HTR2A: variants seen among roughly 807,000 people sequenced by gnomAD.
The protein encoded by HTR2A is 5-HT2 receptor.
Under a neutral mutation model 31.0 loss-of-function variants are expected in HTR2A, and 14 were observed. That is an observed-to-expected ratio of 0.45 (90% CI 0.30 to 0.71). HTR2A has a LOEUF of 0.71. HTR2A is among the 30% of genes least tolerant of loss of function. The pLI is 0.09. For missense variants in HTR2A, 442 were observed against 573.3 expected (o/e 0.77, Z 2.34); for synonymous variants, 209 against 225.2 (o/e 0.93, Z 0.64).
chr13:46,860,115 C>A (rs1950768676), intron 3 of HTR2A, among the ~76,000 whole-genome samples: 2 of 152,154 alleles, frequency 1.3e-5, no homozygotes, highest in Non-Finnish European at 2.9e-5. Flanking sequence ...GAATTCTCCT[C>A]AACCCACAAC....
intron 3 of HTR2A, among the ~76,000 whole-genome samples, chr13:46,881,710 G>A (rs1467090643): frequency 6.6e-6 from 1 of 152,108 alleles, no homozygotes; most frequent in Admixed American, 6.5e-5. Flanking sequence ...TACTTCTTAG[G>A]CTGACTAATA....
chr13:46,873,375 T>TA (rs1950879157), intron 3 of HTR2A, among the ~76,000 whole-genome samples: 1 of 150,244 alleles, frequency 6.7e-6, no homozygotes, highest in African/African-American at 2.4e-5. Context: ...ATTGTGATAA[T>TA]ACATTTTATT....
intron 3 of HTR2A, among the ~76,000 whole-genome samples, chr13:46,849,851 T>G (rs1950669101): frequency 6.6e-6 from 1 of 152,220 alleles, no homozygotes; most frequent in African/African-American, 2.4e-5. Context: ...GAATGTGAGC[T>G]CCATAAAAGC....
chr13:46,843,968 G>GT (rs1735561166), intron 3 of HTR2A, among the ~76,000 whole-genome samples: 1 of 152,036 alleles, frequency 6.6e-6, no homozygotes, highest in African/African-American at 2.4e-5. Flanking sequence ...TTTTCAAAAC[G>GT]TATCTCAAGG....
At chr13:46,851,806 A>G (rs76010564) in intron 3 of HTR2A, among the ~76,000 whole-genome samples, 2,230 of 152,352 alleles carry the variant, frequency 0.015, 26 homozygotes, top group South Asian at 0.038. Flanking sequence ...TCAGCAGAAT[A>G]ATGGTCCCCA....
chr13:46,849,488 G>A (rs747807657), intron 3 of HTR2A, among the ~76,000 whole-genome samples: 13 of 152,136 alleles, frequency 8.5e-5, no homozygotes, highest in Non-Finnish European at 1.6e-4. Context: ...CAGAGATGTG[G>A]CTCTGCTGAC....
At chr13:46,851,701 G>A (rs1410160620) in intron 3 of HTR2A, among the ~76,000 whole-genome samples, 2 of 152,166 alleles carry the variant, frequency 1.3e-5, no homozygotes, top group Admixed American at 6.5e-5. Context: ...CAAACTTCCC[G>A]ATGATATATT....
chr13:46,835,237 A>T lies in HTR2A; in HGVS notation c.1016T>A (p.Phe339Tyr), dbSNP rs765972863. 6.2e-7 allele frequency: 1 copy of T among 1,614,136 alleles called. No individual in the cohort carries two copies. Among genetic ancestry groups the T allele is most frequent in the Non-Finnish European group, 8.5e-7 (1 of 1,180,016 alleles). The change falls in exon 4 of 4, where the codon TTC becomes TAC. Residue 339 changes from phenylalanine (F) to tyrosine (Y), a missense_variant. Transcript: ENST00000542664. ...FFLFVVMWCP[F>Y]FITNIMAVIC... ...GACGGCCATGATGTTTGTGATGAAG[A>T]AAGGGCACCACATCACCACAAACAG...
rs1566322770 is a variant in HTR2A, at chr13:46,895,412, C to T, written c.412+83G>A. ...CTTCTATTTATAGTTTGTTTGCCCCCTGAGCCCCATCTCATCTGCTGGTGG... is the reference window on the plus strand; with the variant it reads ...CTTCTATTTATAGTTTGTTTGCCCCTTGAGCCCCATCTCATCTGCTGGTGG... On this transcript the variant is annotated intron_variant, in intron 2 of 3. Transcript: ENST00000542664. This position sits in a 1 kb window ranked among gnomAD's most constrained non-coding sequence, Gnocchi z 4.4. The T allele has an allele frequency of 7.7e-7, 1 of 1,291,650 alleles. No individual in the cohort carries two copies. The highest frequency in any genetic ancestry group is 1.1e-6 in the Non-Finnish European group (1 of 930,880). 80.0% of individuals were successfully genotyped at this position (1,291,650 alleles called of 1,614,324 possible). A position where few individuals can be genotyped will look rare whatever the true frequency, so the allele number is the denominator to read the frequency against.
At chr13:46,886,285 C>A (rs1198891340) in intron 3 of HTR2A, among the ~76,000 whole-genome samples, 1 of 151,912 alleles carries the variant, frequency 6.6e-6, no homozygotes, top group Non-Finnish European at 1.5e-5. Flanking sequence ...ATGGAAGAGT[C>A]CCATAACAAT....
intron 3 of HTR2A, among the ~76,000 whole-genome samples, chr13:46,842,498 C>T (rs1230756261): frequency 6.6e-6 from 1 of 152,110 alleles, no homozygotes; most frequent in Non-Finnish European, 1.5e-5. Context: ...CAGGTGCGCA[C>T]ATAATCTAGA....
chr13:46,853,628 C>T (rs935460594), intron 3 of HTR2A, among the ~76,000 whole-genome samples: 3 of 152,174 alleles, frequency 2.0e-5, no homozygotes, highest in Non-Finnish European at 4.4e-5. Context: ...GAAGCCACCC[C>T]ACTGGCTGGA....
rs1950772125 is a variant in HTR2A at position 46,860,610 on chromosome 13, C to T, written c.614-24971G>A. On this transcript the variant is annotated intron_variant, in intron 3 of 3. Coordinates refer to ENST00000542664, the MANE Select transcript of HTR2A (RefSeq NM_000621.5). ...AAGTGGAGAGATCCTGGGTGAGACT[C>T]CATCCAGAAGCTGGCTTAATTGGAC... Among the ~76,000 whole-genome samples, 4 of 152,256 alleles carry T rather than the reference C, an allele frequency of 2.6e-5. No homozygotes were observed. In the South Asian group the frequency reaches 6.2e-4, roughly 24 times the overall value.
At chr13:46,839,024 C>A (rs1195746225) in intron 3 of HTR2A, among the ~76,000 whole-genome samples, 2 of 150,936 alleles carry the variant, frequency 1.3e-5, no homozygotes, top group African/African-American at 4.9e-5. Flanking sequence ...ACAGAATAGC[C>A]CAGTTTCTGA....
chr13:46,861,642 C>T (rs1269430506), intron 3 of HTR2A, among the ~76,000 whole-genome samples: 1 of 152,228 alleles, frequency 6.6e-6, no homozygotes, highest in Non-Finnish European at 1.5e-5. Flanking sequence ...GAGGCAATAA[C>T]TGAGAACCTG....
Position 46,896,004 on chromosome 13 carries a change from T to C in HTR2A, c.-98A>G, listed in dbSNP as rs1259652067. ...TTGATGTACCCACACTCTGTAACAC[T>C]GAGGCTGGTGTACATGCTGTTCTCC... On this transcript the variant is annotated 5_prime_UTR_variant, in exon 2 of 4. Transcript: ENST00000542664. 6.0e-6 allele frequency: 9 copies of C among 1,492,010 alleles called. No individual in the cohort carries two copies. The highest frequency in any genetic ancestry group is 1.4e-5 in the African/African-American group (1 of 71,268). 92.4% of individuals were successfully genotyped at this position (1,492,010 alleles called of 1,614,324 possible).
At position 46,872,339 on chromosome 13, in the gene HTR2A, C is replaced by T. The variant is rs559237963; in HGVS notation, c.613+20051G>A. ...CTGTATTGCATGGTTTATTTGACCA[C>T]TCTGTATATTACAAATGGAAGTGCT... On this transcript the variant is annotated intron_variant, in intron 3 of 3. Transcript: ENST00000542664. 2.6e-5 allele frequency among the ~76,000 whole-genome samples: 4 copies of T among 152,212 alleles called. No individual in the cohort carries two copies. The South Asian group carries it at 8.3e-4, about 32-fold the overall frequency.
chr13:46,867,550 A>G (rs1047860989), intron 3 of HTR2A, among the ~76,000 whole-genome samples: 3 of 152,236 alleles, frequency 2.0e-5, no homozygotes, highest in Non-Finnish European at 4.4e-5. Flanking sequence ...TAATTTCTCC[A>G]GAACATCTCT....
intron 3 of HTR2A, among the ~76,000 whole-genome samples, chr13:46,871,075 C>T (rs1440863583): frequency 6.6e-6 from 1 of 152,134 alleles, no homozygotes; most frequent in Non-Finnish European, 1.5e-5. Flanking sequence ...CTCCACATTA[C>T]CATGTAATAT....
Sources: gnomAD v4.1 joint callset for allele counts (sites outside exome capture counted in the v4.1 genomes callset) on GRCh38, gnomAD v4.1.1 for gene constraint, Gnocchi (gnomAD v3.1) non-coding constraint, MANE v1.5 for transcripts, NCBI Gene and HGNC (gene_info 2026-07-23, HGNC 2026-07-21) for gene names.